Variants in DLAT observed in about 807,000 individuals in gnomAD.
DLAT encodes dihydrolipoamide S-acetyltransferase.
Under a neutral mutation model 68.0 loss-of-function variants are expected in DLAT, and 43 were observed. The ratio of observed to expected loss-of-function variants is 0.63; its 90% CI spans 0.50 to 0.81. The LOEUF is 0.81. Ranked by LOEUF, DLAT falls within the 40% of genes least tolerant of loss-of-function variation. The pLI is 0.00. For missense variants in DLAT, 745 were observed against 815.4 expected, an observed-to-expected ratio of 0.91 and a Z score of 1.05; for synonymous variants, 265 against 288.6, an observed-to-expected ratio of 0.92 and a Z score of 0.83.
intron 4 of DLAT, among the ~76,000 whole-genome samples, chr11:112,031,267 A>T (rs1316128225): frequency 6.6e-6 from 1 of 152,216 alleles, no homozygotes; most frequent in East Asian, 1.9e-4. Flanking sequence ...GACAAAGAGG[A>T]TAGCAAATGA....
chr11:112,046,033 T>C, intron 10 of DLAT, 63 bp downstream of exon 10: 1 of 924,628 alleles, frequency 1.1e-6, no homozygotes, highest in Non-Finnish European at 1.7e-6. Context: ...CCACCAAACA[T>C]TTATATTTTT....
At chr11:112,037,679 A>C (rs1293980322) in intron 6 of DLAT, among the ~76,000 whole-genome samples, 1 of 152,020 alleles carries the variant, frequency 6.6e-6, no homozygotes, top group African/African-American at 2.4e-5. Flanking sequence ...TCTTCCTGCT[A>C]TCTAGAGTCC....
At chr11:112,045,256 T>C in intron 9 of DLAT, 26 bp downstream of exon 9, 1 of 1,546,128 alleles carries the variant, frequency 6.5e-7, no homozygotes, top group East Asian at 2.3e-5. Flanking sequence ...TCATCTGGAA[T>C]CAGCTGTTAG....
chr11:112,026,378 A>T lies in DLAT; in HGVS notation c.381+79A>T, dbSNP rs587667173. 1.2e-3 allele frequency: 896 copies of T among 767,974 alleles called. 5 individuals are homozygous for T. In the African/African-American group the frequency reaches 0.016, roughly 13 times the overall value. 47.6% of individuals were successfully genotyped at this position (767,974 alleles called of 1,614,324 possible). A position where few individuals can be genotyped will look rare whatever the true frequency, so the allele number is the denominator to read the frequency against. ...TCTTGGGTGTTTCTCGCAGAGGGGG[A>T]TTTGGCAGGGTCATAGGACAATAGT... On this transcript the variant is annotated intron_variant, in intron 2 of 13. Transcript: ENST00000280346.
chr11:112,027,233 G>A (rs1446344194), intron 2 of DLAT, among the ~76,000 whole-genome samples: 6 of 151,550 alleles, frequency 4.0e-5, no homozygotes, highest in African/African-American at 4.9e-5. Context: ...CGGGGCGGCC[G>A]GGAAGAGACG....
intron 4 of DLAT, chr11:112,030,161 T>C: frequency 1.5e-6 from 1 of 658,010 alleles, no homozygotes; most frequent in South Asian, 1.4e-5. Context: ...TGAAATCCTT[T>C]ATGACCCTGT....
intron 11 of DLAT, among the ~76,000 whole-genome samples, chr11:112,056,760 A>G (rs1283933091): frequency 6.6e-6 from 1 of 152,238 alleles, no homozygotes; most frequent in Non-Finnish European, 1.5e-5. Flanking sequence ...ATTATTTTTC[A>G]AAGTGGTTGC....
In DLAT at chr11:112,062,578, A is replaced by C; in HGVS notation, c.*43A>C. On this transcript the variant is annotated 3_prime_UTR_variant, in exon 14 of 14. Coordinates refer to ENST00000280346, the MANE Select transcript of DLAT (RefSeq NM_001931.5). ...AAACTCTCCCAGGTCACACTGATTC[A>C]TTCTTAACAAGATATTTATATGTTA... 6.2e-7 allele frequency: 1 copy of C among 1,600,556 alleles called. No homozygotes were observed. The highest frequency in any genetic ancestry group is 8.5e-7 in the Non-Finnish European group (1 of 1,169,926).
At position 112,061,106 on chromosome 11, in the gene DLAT, A is replaced by G. The variant is rs782651098; in HGVS notation, c.1746A>G (p.Pro582=). 23 of 1,614,010 alleles carry G rather than the reference A, an allele frequency of 1.4e-5. No homozygotes were observed. The highest frequency in any genetic ancestry group is 1.9e-5 in the Non-Finnish European group (22 of 1,179,920). The change falls in exon 13 of 14, where the codon CCA becomes CCG. Residue 582 remains proline, a synonymous_variant. Coordinates refer to ENST00000280346, the MANE Select transcript of DLAT (RefSeq NM_001931.5). ...GIKNFSAIIN[P]PQACILAIGA... ...AGAATTTCTCTGCTATTATTAACCC[A>G]CCTCAAGCATGTATTTTGGCAATTG...
intron 11 of DLAT, among the ~76,000 whole-genome samples, chr11:112,058,980 A>C (rs1555182876): frequency 6.6e-6 from 1 of 152,032 alleles, no homozygotes; most frequent in Admixed American, 6.6e-5. Context: ...CTGAGATAAG[A>C]TCCAGATGCA....
chr11:112,058,564 C>T (rs941026202), intron 11 of DLAT, among the ~76,000 whole-genome samples: 9 of 119,744 alleles, frequency 7.5e-5, no homozygotes, highest in Admixed American at 2.6e-4. Flanking sequence ...AAGGAGACCA[C>T]GGATAAAATC....
intron 4 of DLAT, chr11:112,030,393 G>C: frequency 2.4e-6 from 1 of 414,906 alleles, no homozygotes; most frequent in Non-Finnish European, 4.7e-6. Context: ...ACGGAAGTCG[G>C]GGGATCATAT....
At chr11:112,055,977 C>T (rs1370686673) in intron 11 of DLAT, among the ~76,000 whole-genome samples, 1 of 145,870 alleles carries the variant, frequency 6.9e-6, no homozygotes, top group Non-Finnish European at 1.5e-5. Flanking sequence ...AAGCGATTCT[C>T]CTGCCTCAGC....
intron 2 of DLAT, among the ~76,000 whole-genome samples, chr11:112,027,002 C>A (rs1470085375): frequency 6.6e-6 from 1 of 151,576 alleles, no homozygotes; most frequent in African/African-American, 2.4e-5. Context: ...CTGGCCCCAC[C>A]ACCTCCCTCC....
At chr11:112,029,762 CAG>C (rs782431739) in intron 4 of DLAT, 1 of 424,156 alleles carries the variant, frequency 2.4e-6, no homozygotes, top group South Asian at 2.0e-5. Context: ...GAAGCAAACA[CAG>C]GGGCCAGTCC....
At chr11:112,047,719 G>A (rs1342846860) in intron 10 of DLAT, among the ~76,000 whole-genome samples, 3 of 152,132 alleles carry the variant, frequency 2.0e-5, no homozygotes, top group African/African-American at 7.2e-5. Context: ...GATTAAATAG[G>A]GAATCCTTTC....
intron 11 of DLAT, among the ~76,000 whole-genome samples, chr11:112,054,531 C>T (rs1863883734): frequency 6.6e-6 from 1 of 152,060 alleles, no homozygotes; most frequent in South Asian, 2.1e-4. Flanking sequence ...TTCTGAAACT[C>T]CACAAGCGAG....
At position 112,037,438 on chromosome 11, in the gene DLAT, T is replaced by G. The variant is rs627441; in HGVS notation, c.953T>G (p.Val318Gly). 3 of 1,613,540 alleles carry G rather than the reference T, an allele frequency of 1.9e-6. No homozygotes were observed. In the African/African-American group the frequency reaches 4.0e-5, roughly 22 times the overall value. Residue 318 changes from valine (V) to glycine (G), a missense_variant, in exon 6 of 14, where the codon GTG (valine) becomes GGG (glycine). Transcript: ENST00000280346. ...GAAGTAACAGATTTAAAACCACAAG[T>G]GCCACCACCTACCCCACCCCCGGTA... The part of the protein sequence containing the change: ...PTEVTDLKPQ[V>G]PPPTPPPVAA...
In DLAT at chr11:112,039,481, AT is replaced by A. The variant is rs1356548963; in HGVS notation, c.1129+85del. The A allele has an allele frequency of 3.0e-6, 4 of 1,355,096 alleles. No individual in the cohort carries two copies. In the African/African-American group the frequency reaches 5.7e-5, roughly 19 times the overall value. 83.9% of individuals were successfully genotyped at this position (1,355,096 alleles called of 1,614,324 possible). On this transcript the variant is annotated intron_variant, in intron 7 of 13. Transcript: ENST00000280346. Reference sequence around the variant, plus strand: ...TTAAGACTTGCAAGTACAACTATGTATAGCCGTACTTATAATTGGGATAGTA... The same window carrying A: ...TTAAGACTTGCAAGTACAACTATGTAAGCCGTACTTATAATTGGGATAGTA...
Sources: allele counts gnomAD v4.1 joint callset (sites outside exome capture counted in the v4.1 genomes callset), GRCh38; gene constraint gnomAD v4.1.1; transcripts MANE v1.5; gene names NCBI Gene and HGNC (gene_info 2026-07-23, HGNC 2026-07-21).